Variants in KIRREL3 observed in about 807,000 individuals in gnomAD.
KIRREL3 encodes the protein kin of IRRE-like protein 3.
Under a neutral mutation model 89.7 loss-of-function variants are expected in KIRREL3, and 36 were observed. That is an observed-to-expected ratio of 0.40 (90% CI 0.31 to 0.53). KIRREL3 has a LOEUF of 0.53. Ranked by LOEUF, KIRREL3 falls within the 20% of genes least tolerant of loss-of-function variation. The pLI is 0.49. For missense variants in KIRREL3, 864 were observed against 1,056.6 expected (o/e 0.82, Z 2.53); for synonymous variants, 445 against 441.4 (o/e 1.01, Z -0.10).
rs776854806 is a variant in KIRREL3, at chr11:126,435,229, C to A, written c.1588+39G>T. 3 of 1,610,356 alleles carry A rather than the reference C, an allele frequency of 1.9e-6. No individual in the cohort carries two copies. In the African/African-American group the frequency reaches 4.0e-5, roughly 22 times the overall value. The stretch of plus-strand genomic sequence containing the variant: ...CCCCAGCTAGCCAGGAAGTCCCTTC[C>A]CCCCTTCCCAGGGCCATTCTCATCA... On this transcript the variant is annotated intron_variant, in intron 13 of 16. Coordinates refer to ENST00000525144, the MANE Select transcript of KIRREL3 (RefSeq NM_032531.4).
chr11:126,978,329 T>C lies in KIRREL3; in HGVS notation c.55+22126A>G, dbSNP rs1949635730. On this transcript the variant is annotated intron_variant, in intron 1 of 16. Coordinates refer to ENST00000525144, the MANE Select transcript of KIRREL3 (RefSeq NM_032531.4). This position sits in a 1 kb window ranked among gnomAD's most constrained non-coding sequence, Gnocchi z 4.2. The stretch of plus-strand genomic sequence containing the variant: ...GGTGGGCGTGTTCTTCACCTTCCCT[T>C]CAAACTTTAGCCAATTAGGTTTCCT... Among the ~76,000 whole-genome samples the C allele has an allele frequency of 6.6e-6, 1 of 152,168 alleles. No individual in the cohort carries two copies. Among genetic ancestry groups the C allele is most frequent in the Admixed American group, 6.5e-5 (1 of 15,274 alleles).
At chr11:126,692,800 A>T (rs1946931666) in intron 1 of KIRREL3, among the ~76,000 whole-genome samples, 1 of 152,204 alleles carries the variant, frequency 6.6e-6, no homozygotes, top group Admixed American at 6.5e-5. Flanking sequence ...AGATTCATAG[A>T]AAAAACAGAA....
chr11:126,582,714 G>A (rs1189089392), intron 1 of KIRREL3, among the ~76,000 whole-genome samples: 1 of 152,186 alleles, frequency 6.6e-6, no homozygotes, highest in Admixed American at 6.5e-5. Flanking sequence ...CAAACATGTT[G>A]TAAGATCAGG....
intron 1 of KIRREL3, among the ~76,000 whole-genome samples, chr11:126,822,251 T>C (rs1592177468): frequency 6.6e-6 from 1 of 152,192 alleles, no homozygotes; most frequent in East Asian, 1.9e-4. Context: ...CCTGGAAGTG[T>C]TGGCTAACGG....
At position 126,860,657 on chromosome 11, in the gene KIRREL3, G is replaced by C. The variant is rs890155966; in HGVS notation, c.55+139798C>G. 5.9e-5 allele frequency among the ~76,000 whole-genome samples: 9 copies of C among 152,204 alleles called. No homozygotes were observed. Among genetic ancestry groups the C allele is most frequent in the Admixed American group, 1.3e-4 (2 of 15,288 alleles). ...AACGTATAGTTGTTGAAGGTTTCTAGACAGAAGAATGGCTTGGGGGGCTGT... is the reference window on the plus strand; with the variant it reads ...AACGTATAGTTGTTGAAGGTTTCTACACAGAAGAATGGCTTGGGGGGCTGT... On this transcript the variant is annotated intron_variant, in intron 1 of 16. Coordinates refer to ENST00000525144, the MANE Select transcript of KIRREL3 (RefSeq NM_032531.4). This position sits in a 1 kb window ranked among gnomAD's most constrained non-coding sequence, Gnocchi z 4.6.
chr11:126,520,555 CT>C lies in KIRREL3; in HGVS notation c.433+759del, dbSNP rs980868766. On this transcript the variant is annotated intron_variant, in intron 4 of 16. Transcript: ENST00000525144. This position sits in a 1 kb window ranked among gnomAD's most constrained non-coding sequence, Gnocchi z 4.9. ...CATGACTTATGTGCAAGGCCTGGTT[CT>C]CAGCAGCCTTGATCCTCGGTAACAT... Among the ~76,000 whole-genome samples the C allele has an allele frequency of 2.0e-5, 3 of 152,144 alleles. No homozygotes were observed. The highest frequency in any genetic ancestry group is 4.4e-5 in the Non-Finnish European group (3 of 68,034).
intron 1 of KIRREL3, among the ~76,000 whole-genome samples, chr11:126,722,258 G>A (rs765134244): frequency 6.6e-6 from 1 of 152,210 alleles, no homozygotes; most frequent in Non-Finnish European, 1.5e-5. Context: ...TGGACTAGCT[G>A]TTCCCTCTTC....
rs1362979000 is a variant in KIRREL3 at position 126,761,998 on chromosome 11, G to T, written c.56-199086C>A. Among the ~76,000 whole-genome samples, 1 of 152,208 alleles carries T rather than the reference G, an allele frequency of 6.6e-6. No homozygotes were observed. The highest frequency in any genetic ancestry group is 2.4e-5 in the African/African-American group (1 of 41,520). ...GTTGAAGACTAGCCTGGCCAACATG[G>T]TGAAACCCTATCTCTACTAAAAATA... On this transcript the variant is annotated intron_variant, in intron 1 of 16. Transcript: ENST00000525144. The surrounding 1 kb of genome is among the most constrained non-coding windows in gnomAD (Gnocchi z 4.4).
chr11:126,966,487 G>C (rs1189393324), intron 1 of KIRREL3, among the ~76,000 whole-genome samples: 1 of 152,126 alleles, frequency 6.6e-6, no homozygotes, highest in Non-Finnish European at 1.5e-5. Flanking sequence ...TTTACATCAT[G>C]GTATCCTCCT....
intron 1 of KIRREL3, among the ~76,000 whole-genome samples, chr11:126,923,163 T>C (rs1470196176): frequency 0.05 from 1,274 of 25,644 alleles, 173 homozygotes; most frequent in Middle Eastern, 0.14. Flanking sequence ...TTCTTCTTCT[T>C]CTTCTTCTTC....
chr11:126,884,871 G>A (rs1172983750), intron 1 of KIRREL3, among the ~76,000 whole-genome samples: 1 of 151,892 alleles, frequency 6.6e-6, no homozygotes, highest in African/African-American at 2.4e-5. Context: ...GCAACCAATG[G>A]TTGCTTGGCA....
rs370035988 is a variant in KIRREL3, at chr11:126,740,348, G to A, written c.56-177436C>T. Among the ~76,000 whole-genome samples the A allele has an allele frequency of 1.3e-5, 2 of 152,138 alleles. No individual in the cohort carries two copies. Among genetic ancestry groups the A allele is most frequent in the Non-Finnish European group, 2.9e-5 (2 of 68,026 alleles). On this transcript the variant is annotated intron_variant, in intron 1 of 16. Coordinates refer to ENST00000525144, the MANE Select transcript of KIRREL3 (RefSeq NM_032531.4). This position sits in a 1 kb window ranked among gnomAD's most constrained non-coding sequence, Gnocchi z 6.0. ...CAGGATAGAAAGAAATTAAAGTGCT[G>A]CATTGCTAAACTCAGTGGAGATGGT...
rs1286068589 is a variant in KIRREL3, at chr11:126,443,614, T to TG, written c.1252+1364dup. On this transcript the variant is annotated intron_variant, in intron 10 of 16. Transcript: ENST00000525144. This position sits in a 1 kb window ranked among gnomAD's most constrained non-coding sequence, Gnocchi z 7.3. ...AGAGGAATGGAAATGCGGGGCAGTG[T>TG]GGGGGGAGCTGGTGAATGGAGACAG... is the stretch of plus-strand genomic sequence containing the variant. Among the ~76,000 whole-genome samples the TG allele has an allele frequency of 1.4e-5, 2 of 147,298 alleles. No homozygotes were observed. The highest frequency in any genetic ancestry group is 3.0e-5 in the Non-Finnish European group (2 of 66,756).
At chr11:126,911,193 C>G (rs1211220008) in intron 1 of KIRREL3, among the ~76,000 whole-genome samples, 1 of 152,058 alleles carries the variant, frequency 6.6e-6, no homozygotes, top group Non-Finnish European at 1.5e-5. Flanking sequence ...TAGACATGGC[C>G]CCTCCAAGTA....
At chr11:126,681,717 C>G in intron 1 of KIRREL3, 1 of 351,424 alleles carries the variant, frequency 2.8e-6, no homozygotes. Context: ...AGTAGGTGAT[C>G]AATAAACATT....
chr11:126,444,034 A>G (rs1022667370), intron 10 of KIRREL3, among the ~76,000 whole-genome samples: 1 of 152,104 alleles, frequency 6.6e-6, no homozygotes, highest in African/African-American at 2.4e-5. Context: ...CTGGTGCCAC[A>G]ACCTTCTTGG....
At position 126,647,500 on chromosome 11, in the gene KIRREL3, T is replaced by C. The variant is rs1944735910; in HGVS notation, c.56-84588A>G. ...TCATTTATGCATACGTTTACTCCTTTCATTCAGCAAACGTTTATCAGGCAC... is the reference window on the plus strand; with the variant it reads ...TCATTTATGCATACGTTTACTCCTTCCATTCAGCAAACGTTTATCAGGCAC... On this transcript the variant is annotated intron_variant, in intron 1 of 16. Transcript: ENST00000525144. This position sits in a 1 kb window ranked among gnomAD's most constrained non-coding sequence, Gnocchi z 4.9. 6.6e-6 allele frequency among the ~76,000 whole-genome samples: 1 copy of C among 152,234 alleles called. No homozygotes were observed. The highest frequency in any genetic ancestry group is 6.5e-5 in the Admixed American group (1 of 15,286).
intron 1 of KIRREL3, among the ~76,000 whole-genome samples, chr11:126,585,883 T>G (rs1346972327): frequency 2.6e-5 from 4 of 152,234 alleles, no homozygotes; most frequent in African/African-American, 9.6e-5. Context: ...TGATTGGAGT[T>G]GGGCTTCAGC....
Position 126,636,381 on chromosome 11 carries a change from C to T in KIRREL3, c.56-73469G>A, listed in dbSNP as rs1409615405. The stretch of plus-strand genomic sequence containing the variant: ...CAGCATCTGCCGTTTAACAGATGCC[C>T]TGTAAGTGAGTGCCTTCCTCTTTCT... On this transcript the variant is annotated intron_variant, in intron 1 of 16. Coordinates refer to ENST00000525144, the MANE Select transcript of KIRREL3 (RefSeq NM_032531.4). The surrounding 1 kb of genome is among the most constrained non-coding windows in gnomAD (Gnocchi z 4.4). Among the ~76,000 whole-genome samples, 3 of 152,192 alleles carry T rather than the reference C, an allele frequency of 2.0e-5. No individual in the cohort carries two copies. Among genetic ancestry groups the T allele is most frequent in the Non-Finnish European group, 4.4e-5 (3 of 68,018 alleles).
Sources: allele counts gnomAD v4.1 joint callset (sites outside exome capture counted in the v4.1 genomes callset), GRCh38; gene constraint gnomAD v4.1.1; non-coding constraint Gnocchi (gnomAD v3.1); transcripts MANE v1.5; gene names NCBI Gene and HGNC (gene_info 2026-07-23, HGNC 2026-07-21).